LRMDA: variants seen among roughly 807,000 people sequenced by gnomAD.
LRMDA encodes leucine rich melanocyte differentiation associated.
Under a neutral mutation model 29.8 loss-of-function variants are expected in LRMDA, and 18 were observed. The ratio of observed to expected loss-of-function variants is 0.60; its 90% confidence interval spans 0.42 to 0.90. LRMDA has a LOEUF of 0.90. Ranked by LOEUF, LRMDA falls within the 40% of genes least tolerant of loss-of-function variation. The pLI is 0.00. For synonymous variants in LRMDA, 125 were observed against 109.4 expected, an observed-to-expected ratio of 1.14 and a Z score of -0.89; for missense variants, 273 against 273.9, an observed-to-expected ratio of 1.00 and a Z score of 0.02.
At chr10:75,816,619 G>A (rs951090595) in intron 2 of LRMDA, among the ~76,000 whole-genome samples, 5 of 152,232 alleles carry the variant, frequency 3.3e-5, no homozygotes, top group Non-Finnish European at 5.9e-5. Flanking sequence ...TTTGGTCAAG[G>A]TGGTTTGGTG....
intron 4 of LRMDA, among the ~76,000 whole-genome samples, chr10:76,048,132 T>A (rs1848471044): frequency 6.6e-6 from 1 of 152,218 alleles, no homozygotes; most frequent in Non-Finnish European, 1.5e-5. Context: ...AAGCTCTCAT[T>A]AAACACCCCA....
intron 2 of LRMDA, among the ~76,000 whole-genome samples, chr10:75,569,672 T>C (rs553630393): frequency 6.6e-5 from 10 of 152,376 alleles, no homozygotes; most frequent in Non-Finnish European, 1.5e-4. Context: ...TAAAATGAGC[T>C]GGAAAGTGAT....
At chr10:76,176,042 T>G (rs929115266) in intron 5 of LRMDA, among the ~76,000 whole-genome samples, 2 of 152,246 alleles carry the variant, frequency 1.3e-5, no homozygotes, top group Admixed American at 1.3e-4. Flanking sequence ...GTGGGCTGCA[T>G]GCTACCAATT....
chr10:76,397,300 G>A (rs865895977), intron 6 of LRMDA, among the ~76,000 whole-genome samples: 5 of 152,090 alleles, frequency 3.3e-5, no homozygotes, highest in Middle Eastern at 3.2e-3. Flanking sequence ...AACTGATGAG[G>A]CCCTGTTTTT....
intron 2 of LRMDA, among the ~76,000 whole-genome samples, chr10:76,010,550 G>A (rs1430608232): frequency 2.6e-5 from 4 of 152,132 alleles, no homozygotes; most frequent in Non-Finnish European, 5.9e-5. Context: ...CTGACCTCGT[G>A]ATCTGCCCAC....
chr10:76,465,806 A>G (rs1259028298), intron 6 of LRMDA, among the ~76,000 whole-genome samples: 1 of 151,066 alleles, frequency 6.6e-6, no homozygotes, highest in East Asian at 2.0e-4. Flanking sequence ...TGAGGGGAGG[A>G]GTTGTTTGTG....
intron 2 of LRMDA, among the ~76,000 whole-genome samples, chr10:75,781,210 T>C (rs540515839): frequency 6.6e-6 from 1 of 152,338 alleles, no homozygotes; most frequent in African/African-American, 2.4e-5. Context: ...ATCATTTCTT[T>C]ATTTTTCTGT....
rs149780594 is a variant in LRMDA at position 76,442,444 on chromosome 10, C to T, written c.602-114765C>T. Among the ~76,000 whole-genome samples, 448 of 152,260 alleles carry T rather than the reference C, an allele frequency of 2.9e-3. 1 individual carries two copies. The highest frequency in any genetic ancestry group is 9.7e-3 in the African/African-American group (401 of 41,534). On this transcript the variant is annotated intron_variant, in intron 6 of 6. Coordinates refer to ENST00000611255, the MANE Select transcript of LRMDA (RefSeq NM_001305581.2). ...TGGTGGCTTACACCTATAATCCTAGCGCTTTGGGAGGCTTAGGCAGAAGAC... is the reference window on the plus strand; with the variant it reads ...TGGTGGCTTACACCTATAATCCTAGTGCTTTGGGAGGCTTAGGCAGAAGAC...
chr10:75,936,610 G>A (rs1162915254), intron 2 of LRMDA, among the ~76,000 whole-genome samples: 2 of 152,144 alleles, frequency 1.3e-5, no homozygotes, highest in Non-Finnish European at 2.9e-5. Flanking sequence ...TTATTTCTCA[G>A]CGTTCTGGAG....
chr10:75,505,612 T>G (rs1312080285), intron 2 of LRMDA, among the ~76,000 whole-genome samples: 1 of 152,156 alleles, frequency 6.6e-6, no homozygotes, highest in East Asian at 1.9e-4. Flanking sequence ...CCATGAACCC[T>G]TTATTCTACC....
chr10:75,849,829 A>G (rs1844702391), intron 2 of LRMDA, among the ~76,000 whole-genome samples: 1 of 152,256 alleles, frequency 6.6e-6, no homozygotes, highest in Non-Finnish European at 1.5e-5. Flanking sequence ...GCAAGATTGG[A>G]AACCAACAGT....
chr10:76,145,315 G>A (rs1367658506), intron 5 of LRMDA, among the ~76,000 whole-genome samples: 5 of 152,100 alleles, frequency 3.3e-5, no homozygotes, highest in African/African-American at 1.2e-4. Flanking sequence ...GAATCCATCT[G>A]GTCCTGGACT....
At chr10:75,500,723 G>C (rs879862934) in intron 2 of LRMDA, among the ~76,000 whole-genome samples, 3 of 151,202 alleles carry the variant, frequency 2.0e-5, no homozygotes, top group Non-Finnish European at 2.9e-5. Context: ...TGGCAGGAGG[G>C]AGAGAGTGTA....
intron 5 of LRMDA, among the ~76,000 whole-genome samples, chr10:76,064,429 G>T (rs1425782962): frequency 6.6e-6 from 1 of 152,132 alleles, no homozygotes; most frequent in Non-Finnish European, 1.5e-5. Context: ...CTCTTCTCAT[G>T]AAACATGTTA....
intron 2 of LRMDA, among the ~76,000 whole-genome samples, chr10:75,897,753 C>T (rs1183578614): frequency 6.6e-6 from 1 of 151,276 alleles, no homozygotes; most frequent in African/African-American, 2.4e-5. Flanking sequence ...AAAGCAAAAC[C>T]TCTTCTTGGC....
chr10:75,492,179 CT>C (rs1343124138), intron 2 of LRMDA, among the ~76,000 whole-genome samples: 7 of 152,232 alleles, frequency 4.6e-5, no homozygotes, highest in African/African-American at 1.4e-4. Context: ...GGTGCCTTGG[CT>C]TTGCCATTCC....
At chr10:75,643,780 C>CT (rs754046478) in intron 2 of LRMDA, among the ~76,000 whole-genome samples, 6 of 152,020 alleles carry the variant, frequency 3.9e-5, no homozygotes, top group Non-Finnish European at 7.4e-5. Context: ...TGATGATATG[C>CT]TTTTTTAGAG....
intron 5 of LRMDA, among the ~76,000 whole-genome samples, chr10:76,292,200 G>A: frequency 6.6e-6 from 1 of 152,138 alleles, no homozygotes; most frequent in East Asian, 1.9e-4. Flanking sequence ...CCTCCTATCT[G>A]TACAACATAT....
chr10:76,411,939 C>A (rs778518615), intron 6 of LRMDA, among the ~76,000 whole-genome samples: 2 of 152,246 alleles, frequency 1.3e-5, no homozygotes, highest in African/African-American at 2.4e-5. Context: ...GAGAAATCCA[C>A]TGAGGGAATG....
Sources: allele counts gnomAD v4.1 joint callset (sites outside exome capture counted in the v4.1 genomes callset), GRCh38; gene constraint gnomAD v4.1.1; transcripts MANE v1.5; gene names NCBI Gene and HGNC (gene_info 2026-07-23, HGNC 2026-07-21).